The following TENM3 variants were observed in gnomAD, a reference collection of about 807,000 sequenced individuals.
TENM3 encodes the protein teneurin-3.
In TENM3, 63 loss-of-function variants were observed where a neutral mutation model predicts 255.1. The ratio of observed to expected loss-of-function variants is 0.25; its 90% CI spans 0.20 to 0.30. The LOEUF is 0.30. Ranked by LOEUF, TENM3 falls within the 10% of genes least tolerant of loss-of-function variation. The pLI, the probability that TENM3 is intolerant of heterozygous loss-of-function variation, is 1.00. For missense variants in TENM3, 2,929 were observed against 3,461.1 expected, an observed-to-expected ratio of 0.85 and a Z score of 3.86; for synonymous variants, 1,306 against 1,322.3, an observed-to-expected ratio of 0.99 and a Z score of 0.27.
In TENM3 at chr4:182,483,262, G is replaced by A. The variant is rs551095682; in HGVS notation, c.512-117662G>A. Among the ~76,000 whole-genome samples, 4 of 152,284 alleles carry A rather than the reference G, an allele frequency of 2.6e-5. No individual in the cohort carries two copies. The South Asian group carries it at 6.2e-4, about 24-fold the overall frequency. On this transcript the variant is annotated intron_variant, in intron 3 of 27. Transcript: ENST00000511685. ...ACGTGTCTCTGTAGCAGAAATAGTA[G>A]ATGGTTGGAATAAATAGTAGACGTG...
chr4:182,131,560 T>C, the TENM3 span, among the ~76,000 whole-genome samples: 2 of 152,184 alleles, frequency 1.3e-5, no homozygotes, highest in East Asian at 3.9e-4. Context: ...TCTGCTCTGG[T>C]TTCAGTTATT....
At chr4:181,651,549 C>A in the TENM3 span, among the ~76,000 whole-genome samples, 1 of 151,340 alleles carries the variant, frequency 6.6e-6, no homozygotes. Context: ...GATCACGCCA[C>A]TGCACTCCAG....
At chr4:182,483,856 G>A (rs530150421) in intron 3 of TENM3, among the ~76,000 whole-genome samples, 1 of 152,154 alleles carries the variant, frequency 6.6e-6, no homozygotes, top group Admixed American at 6.5e-5. Flanking sequence ...AGTGAAGGGA[G>A]AAGTGCTACC....
the TENM3 span, among the ~76,000 whole-genome samples, chr4:182,043,256 A>G: frequency 2.0e-5 from 3 of 152,204 alleles, no homozygotes; most frequent in African/African-American, 4.8e-5. Flanking sequence ...TCTTCGGTAT[A>G]CAGGGTATCT....
intron 22 of TENM3, among the ~76,000 whole-genome samples, 172 bp from the exon 23 acceptor site, chr4:182,773,300 C>G (rs190988875): frequency 6.6e-6 from 1 of 152,142 alleles, no homozygotes; most frequent in Non-Finnish European, 1.5e-5. Flanking sequence ...CTATGTTAAA[C>G]GGGTTTTTGA....
At chr4:181,697,529 G>A in the TENM3 span, among the ~76,000 whole-genome samples, 1 of 152,082 alleles carries the variant, frequency 6.6e-6, no homozygotes, top group African/African-American at 2.4e-5. Context: ...GAGTAGCTGG[G>A]ACTACAGGCA....
At chr4:181,475,383 C>T in the TENM3 span, among the ~76,000 whole-genome samples, 2 of 152,126 alleles carry the variant, frequency 1.3e-5, no homozygotes, top group Non-Finnish European at 2.9e-5. Flanking sequence ...ATTGCTGTTG[C>T]ATAATTGACA....
At chr4:181,823,914 T>C in the TENM3 span, among the ~76,000 whole-genome samples, 8 of 152,216 alleles carry the variant, frequency 5.3e-5, no homozygotes, top group Middle Eastern at 3.4e-3. Flanking sequence ...ATGCCCTTGA[T>C]TGTGCACAAA....
chr4:181,570,504 GA>G, the TENM3 span, among the ~76,000 whole-genome samples: 1 of 147,896 alleles, frequency 6.8e-6, no homozygotes, highest in Non-Finnish European at 1.5e-5. Flanking sequence ...CTGTCTCAGC[GA>G]CAAAGAAAAG....
At chr4:182,451,945 T>G (rs983347480) in intron 3 of TENM3, among the ~76,000 whole-genome samples, 13 of 152,238 alleles carry the variant, frequency 8.5e-5, no homozygotes, top group African/African-American at 3.1e-4. Flanking sequence ...AAATGCTAAA[T>G]ACAGGACAAT....
intron 5 of TENM3, among the ~76,000 whole-genome samples, chr4:182,651,010 G>A (rs553758324): frequency 3.0e-4 from 45 of 151,230 alleles, no homozygotes; most frequent in African/African-American, 8.7e-4. Flanking sequence ...TGACATCTGC[G>A]CATGATCCCA....
intron 3 of TENM3, among the ~76,000 whole-genome samples, chr4:182,369,294 G>T (rs1766638868): frequency 6.6e-6 from 1 of 152,260 alleles, no homozygotes; most frequent in South Asian, 2.1e-4. Flanking sequence ...ACAGAGGAAA[G>T]AAAACTAAGG....
intron 1 of TENM3, among the ~76,000 whole-genome samples, chr4:182,168,946 A>G (rs1377325822): frequency 2.0e-5 from 3 of 152,146 alleles, no homozygotes; most frequent in Non-Finnish European, 2.9e-5. Context: ...TTTTTAGAAT[A>G]TTTGTTTATA....
chr4:181,776,533 C>T, the TENM3 span, among the ~76,000 whole-genome samples: 2 of 152,068 alleles, frequency 1.3e-5, no homozygotes, highest in Non-Finnish European at 2.9e-5. Flanking sequence ...ACATTCCCAC[C>T]AACAGTGTAT....
At chr4:182,471,887 A>G (rs1396825482) in intron 3 of TENM3, among the ~76,000 whole-genome samples, 1 of 152,124 alleles carries the variant, frequency 6.6e-6, no homozygotes, top group Non-Finnish European at 1.5e-5. Flanking sequence ...TTATAAGCAA[A>G]GGTAATTAAG....
chr4:182,656,451 C>T (rs533341305), intron 6 of TENM3, among the ~76,000 whole-genome samples: 7 of 152,104 alleles, frequency 4.6e-5, no homozygotes, highest in East Asian at 3.8e-4. Flanking sequence ...AGGGAGTGGA[C>T]GGGAACTCTA....
chr4:182,061,841 T>C, the TENM3 span, among the ~76,000 whole-genome samples: 1 of 151,916 alleles, frequency 6.6e-6, no homozygotes, highest in Non-Finnish European at 1.5e-5. Context: ...GTGCGCTTTG[T>C]AGTTCCAGAT....
At chr4:182,406,213 G>A (rs1453716318) in intron 3 of TENM3, among the ~76,000 whole-genome samples, 1 of 152,088 alleles carries the variant, frequency 6.6e-6, no homozygotes, top group African/African-American at 2.4e-5. Flanking sequence ...GCCGAGGCAG[G>A]AGAATTGCTT....
chr4:182,148,459 C>T (rs937235711), intron 1 of TENM3, among the ~76,000 whole-genome samples: 3 of 152,098 alleles, frequency 2.0e-5, no homozygotes, highest in African/African-American at 7.2e-5. Context: ...ATATATTCAA[C>T]TCAAATAGCC....
Sources: gnomAD v4.1 joint callset for allele counts (sites outside exome capture counted in the v4.1 genomes callset) on GRCh38, gnomAD v4.1.1 for gene constraint, MANE v1.5 for transcripts, NCBI Gene and HGNC (gene_info 2026-07-23, HGNC 2026-07-21) for gene names.